The following HPD variants were observed in gnomAD, a reference collection of about 807,000 sequenced individuals.
The protein encoded by HPD is 4-hydroxyphenylpyruvate dioxygenase.
HPD carries 35 observed loss-of-function variants against 56.9 expected under a neutral mutation model. The ratio of observed to expected loss-of-function variants is 0.62; its 90% CI spans 0.47 to 0.82. The LOEUF (loss-of-function observed/expected upper bound fraction) is 0.82. HPD is among the 40% of genes least tolerant of loss of function. The pLI is 0.00. For synonymous variants in HPD, 186 were observed against 200.2 expected (o/e 0.93, Z 0.60); for missense variants, 442 against 506.8 (o/e 0.87, Z 1.23).
chr12:121,886,109 GTTT>G, the HPD span, among the ~76,000 whole-genome samples: 2 of 129,436 alleles, frequency 1.5e-5, no homozygotes, highest in Non-Finnish European at 1.7e-5. Flanking sequence ...ATTGCATTTA[GTTT>G]TTTTTTTTTT....
chr12:121,840,006 G>A lies in HPD; in HGVS notation c.997C>T (p.Leu333=). 1 of 1,613,750 alleles carries A rather than the reference G, an allele frequency of 6.2e-7. No individual in the cohort carries two copies. Among genetic ancestry groups the A allele is most frequent in the Non-Finnish European group, 8.5e-7 (1 of 1,179,874 alleles). Residue 333 remains leucine, a synonymous_variant, in exon 13 of 14, where the codon CTG becomes TTG. Transcript: ENST00000289004. The part of the protein sequence containing the change: ...LVDYDEKGYL[L]QIFTKPVQDR... ...TGCACCGGTTTGGTGAAGATCTGCA[G>A]GAGGTAGCCTTTCTCGTCGTAGTCC...
upstream of HPD, among the ~76,000 whole-genome samples, chr12:121,867,724 G>A (rs1038675110): frequency 6.6e-6 from 1 of 152,026 alleles, no homozygotes; most frequent in African/African-American, 2.4e-5. Flanking sequence ...ATGTTGGCTC[G>A]GCTGGTCTCT....
At position 121,847,129 on chromosome 12, in the gene HPD, C is replaced by G; in HGVS notation, c.682G>C (p.Val228Leu). ...ATGGACTCTTCATAGTTGGCCACCA[C>G]AATGGATCGCAGAGAGCTATATTCC... ...HTEYSSLRSIVVANYEESIKM... is the reference protein window; with the variant it reads ...HTEYSSLRSILVANYEESIKM... Residue 228 changes from valine (V) to leucine (L), a missense_variant, in exon 10 of 14, where the codon GTG (valine) becomes CTG (leucine). Val to Leu is a conservative substitution (Grantham distance 32). Coordinates refer to ENST00000289004, the MANE Select transcript of HPD (RefSeq NM_002150.3). The G allele has an allele frequency of 6.2e-7, 1 of 1,614,196 alleles. No homozygotes were observed. The highest frequency in any genetic ancestry group is 8.5e-7 in the Non-Finnish European group (1 of 1,180,032).
At chr12:121,873,532 T>C in the HPD span, among the ~76,000 whole-genome samples, 1 of 152,112 alleles carries the variant, frequency 6.6e-6, no homozygotes, top group Non-Finnish European at 1.5e-5. Context: ...TTAAAATCAT[T>C]TTATGGCCGG....
chr12:121,854,760 C>T lies in HPD; in HGVS notation c.357G>A (p.Arg119=). Residue 119 remains arginine, a synonymous_variant, in exon 7 of 14, where the codon CGG becomes CGA. Coordinates refer to ENST00000289004, the MANE Select transcript of HPD (RefSeq NM_002150.3). ...KARERGAKIM[R]EPWVEQDKFG... is the part of the protein sequence containing the mutation. ...ACTTGTCTTGCTCTACCCAGGGCTCCCGCATGATTTTGGCGCCCCGTTCCC... is the reference window on the plus strand; with the variant it reads ...ACTTGTCTTGCTCTACCCAGGGCTCTCGCATGATTTTGGCGCCCCGTTCCC... The T allele has an allele frequency of 6.2e-7, 1 of 1,614,106 alleles. No individual in the cohort carries two copies. Among genetic ancestry groups the T allele is most frequent in the Non-Finnish European group, 8.5e-7 (1 of 1,180,004 alleles).
chr12:121,842,267 G>A (rs574032082), intron 12 of HPD, among the ~76,000 whole-genome samples: 1 of 151,796 alleles, frequency 6.6e-6, no homozygotes, highest in South Asian at 2.1e-4. Flanking sequence ...GGGACTACAG[G>A]CACGAACCAC....
At chr12:121,880,258 A>G in the HPD span, among the ~76,000 whole-genome samples, 6 of 150,798 alleles carry the variant, frequency 4.0e-5, no homozygotes, top group African/African-American at 1.2e-4. Flanking sequence ...ACTCGGGTAC[A>G]GTGGCATGAT....
At chr12:121,871,389 A>AAAGCAGTC in the HPD span, among the ~76,000 whole-genome samples, 5 of 152,138 alleles carry the variant, frequency 3.3e-5, no homozygotes, top group East Asian at 5.8e-4. Context: ...AATGCATCTA[A>AAAGCAGTC]AAGCAGTCAA....
the HPD span, among the ~76,000 whole-genome samples, chr12:121,874,956 C>T: frequency 5.3e-5 from 8 of 152,084 alleles, no homozygotes; most frequent in Admixed American, 1.3e-4. Context: ...AGAGGGGTTT[C>T]TCCATGCTGG....
At chr12:121,879,083 G>C in the HPD span, among the ~76,000 whole-genome samples, 4 of 152,034 alleles carry the variant, frequency 2.6e-5, no homozygotes, top group Non-Finnish European at 5.9e-5. Flanking sequence ...TCAGGAGTTT[G>C]AGACCAGCCT....
In HPD at chr12:121,846,021, T is replaced by C. The variant is rs138064589; in HGVS notation, c.831+841A>G. Among the ~76,000 whole-genome samples, 40 of 152,202 alleles carry C rather than the reference T, an allele frequency of 2.6e-4. 1 individual carries two copies. In the East Asian group the frequency reaches 7.7e-3, roughly 29 times the overall value. On this transcript the variant is annotated intron_variant, in intron 11 of 13. Transcript: ENST00000289004. ...CTAAATGGATCCTCCTGCTTCAGCC[T>C]CCCAAGTAGCTAGGACTACAGGCAT...
chr12:121,871,792 C>T, the HPD span, among the ~76,000 whole-genome samples: 1 of 152,086 alleles, frequency 6.6e-6, no homozygotes, highest in Non-Finnish European at 1.5e-5. Flanking sequence ...TTGGGCCACT[C>T]CTGGCATCCT....
chr12:121,858,325 CA>C (rs1878079201), intron 2 of HPD, among the ~76,000 whole-genome samples: 1 of 152,098 alleles, frequency 6.6e-6, no homozygotes, highest in Non-Finnish European at 1.5e-5. Context: ...GCTGGGATTA[CA>C]GGGGTGCGCT....
intron 12 of HPD, among the ~76,000 whole-genome samples, chr12:121,841,275 A>G (rs11043211): frequency 3.3e-5 from 5 of 151,996 alleles, no homozygotes; most frequent in Non-Finnish European, 7.4e-5. Context: ...AGGCTGAGGC[A>G]GGAGAATTGC....
At chr12:121,859,094 C>A (rs1262676282), upstream of HPD, 1 of 544,154 alleles carries the variant, frequency 1.8e-6, no homozygotes, top group African/African-American at 1.9e-5. Flanking sequence ...CAAGGGCAAG[C>A]TTTTCCAGGA....
chr12:121,856,559 G>A (rs760253323), intron 5 of HPD, 24 bp downstream of exon 5: 18 of 1,613,278 alleles, frequency 1.1e-5, no homozygotes, highest in Admixed American at 3.3e-5. Context: ...AGAGCCATGC[G>A]TCCACCCTCC....
intron 12 of HPD, 111 bp from the exon 13 acceptor site, chr12:121,840,159 C>A (rs533760789): frequency 1.0e-5 from 8 of 776,248 alleles, no homozygotes; most frequent in African/African-American, 1.0e-4. Flanking sequence ...CTTTTTCTGG[C>A]AGTTCAGCCA....
upstream of HPD, chr12:121,858,966 TC>T: frequency 1.1e-6 from 1 of 931,308 alleles, no homozygotes; most frequent in Non-Finnish European, 1.7e-6. Context: ...CCTGGAAGGT[TC>T]CAGGCCTGGG....
chr12:121,850,410 G>C (rs1877727444), intron 7 of HPD, among the ~76,000 whole-genome samples: 1 of 139,296 alleles, frequency 7.2e-6, no homozygotes, highest in South Asian at 2.5e-4. Flanking sequence ...CTGGGCGACA[G>C]AATGAGACTC....
Sources: allele counts gnomAD v4.1 joint callset (sites outside exome capture counted in the v4.1 genomes callset), GRCh38; gene constraint gnomAD v4.1.1; transcripts MANE v1.5; gene names NCBI Gene and HGNC (gene_info 2026-07-23, HGNC 2026-07-21).